The following PCDHGB5 variants were observed in gnomAD, a reference collection of about 807,000 sequenced individuals.
PCDHGB5 encodes the protein protocadherin gamma subfamily B, 5, also known as protocadherin gamma-B5.
A neutral mutation model predicts 62.9 loss-of-function variants in PCDHGB5; 48 were observed. The ratio of observed to expected loss-of-function variants is 0.76; its 90% confidence interval spans 0.61 to 0.97. The LOEUF is 0.97. Ranked by LOEUF, PCDHGB5 falls within the 50% of genes least tolerant of loss-of-function variation. The pLI is 0.00. For synonymous variants in PCDHGB5, 474 were observed against 511.2 expected (o/e 0.93, Z 0.98); for missense variants, 1,118 against 1,198.6 (o/e 0.93, Z 0.99).
Position 141,438,011 on chromosome 5 carries a change from G to T in PCDHGB5, c.2397+37487G>T, listed in dbSNP as rs189978786. On this transcript the variant is annotated intron_variant, in intron 1 of 3. Coordinates refer to ENST00000617380, the MANE Select transcript of PCDHGB5 (RefSeq NM_018925.3). ...CCACCTCAGCCTCCCAAATAGCTGAGATTACAGGTGTGAGCCACCATGCCC... is the reference window on the plus strand; with the variant it reads ...CCACCTCAGCCTCCCAAATAGCTGATATTACAGGTGTGAGCCACCATGCCC... 2.8e-3 allele frequency among the ~76,000 whole-genome samples: 432 copies of T among 152,220 alleles called. 1 individual carries two copies. The highest frequency in any genetic ancestry group is 0.021 in the Admixed American group (318 of 15,288).
chr5:141,500,901 G>T (rs984072329), intron 2 of PCDHGB5, among the ~76,000 whole-genome samples: 1 of 144,582 alleles, frequency 6.9e-6, no homozygotes, highest in Non-Finnish European at 1.5e-5. Context: ...AGACAGTCTC[G>T]CTCTGTCTCC....
In PCDHGB5 at chr5:141,477,813, A is replaced by T; in HGVS notation, c.2398-16994A>T. ...ACTGATCGCAATGACAATGCCCCCC[A>T]GGTCCTATATCCTCGGCCAGGTGGG... On this transcript the variant is annotated intron_variant, in intron 1 of 3. Coordinates refer to ENST00000617380, the MANE Select transcript of PCDHGB5 (RefSeq NM_018925.3). The surrounding 1 kb of genome is among the most constrained non-coding windows in gnomAD (Gnocchi z 4.9). The T allele has an allele frequency of 6.2e-7, 1 of 1,614,122 alleles. No homozygotes were observed. The highest frequency in any genetic ancestry group is 1.1e-5 in the South Asian group (1 of 91,084).
chr5:141,407,497 G>GTTTTTTTTTTTTTTTTT (rs1554102286), intron 1 of PCDHGB5, among the ~76,000 whole-genome samples: 2 of 151,970 alleles, frequency 1.3e-5, no homozygotes, highest in African/African-American at 4.8e-5. Context: ...CTTTATTTCT[G>GTTTTTTTTTTTTTTTTT]TTTTTCTTAG....
At chr5:141,508,961 A>C (rs991011427) in intron 3 of PCDHGB5, among the ~76,000 whole-genome samples, 2 of 151,978 alleles carry the variant, frequency 1.3e-5, no homozygotes, top group African/African-American at 4.8e-5. Context: ...TGTCAGCGGA[A>C]TGAAAGGGCT....
At chr5:141,421,618 G>T (rs748399893) in intron 1 of PCDHGB5, 1 of 1,613,766 alleles carries the variant, frequency 6.2e-7, no homozygotes, top group Non-Finnish European at 8.5e-7. Flanking sequence ...TAATGATAAC[G>T]CCCCCAGCTT....
rs1457765340 is a variant in PCDHGB5 at position 141,491,122 on chromosome 5, G to GT, written c.2398-3684dup. 1 of 1,614,058 alleles carries GT rather than the reference G, an allele frequency of 6.2e-7. No homozygotes were observed. Among genetic ancestry groups the GT allele is most frequent in the Non-Finnish European group, 8.5e-7 (1 of 1,180,036 alleles). Reference sequence around the variant, plus strand: ...CCTCGTGTCTACACACACTGGTGAGGTGCGCACAGCCCGGGCCTTACTGGA... The same window carrying GT: ...CCTCGTGTCTACACACACTGGTGAGGTTGCGCACAGCCCGGGCCTTACTGGA... On this transcript the variant is annotated intron_variant, in intron 1 of 3. Coordinates refer to ENST00000617380, the MANE Select transcript of PCDHGB5 (RefSeq NM_018925.3). The surrounding 1 kb of genome is among the most constrained non-coding windows in gnomAD (Gnocchi z 6.9).
At chr5:141,420,462 G>T in intron 1 of PCDHGB5, 2 of 892,618 alleles carry the variant, frequency 2.2e-6, no homozygotes. Context: ...ACTATTCAAA[G>T]ACATTTTAAA....
chr5:141,505,436 T>C lies in PCDHGB5; in HGVS notation c.2500T>C (p.Phe834Leu). 1.2e-6 allele frequency: 2 copies of C among 1,614,118 alleles called. No homozygotes were observed. The highest frequency in any genetic ancestry group is 1.7e-6 in the Non-Finnish European group (2 of 1,179,998). ...DDTGTWPNNQ[F>L]DTEMLQAMIL... is the part of the protein sequence containing the mutation. ...CACCGGCACCTGGCCCAACAACCAG[T>C]TTGACACAGAGATGCTGCAAGCCAT... Residue 834 changes from phenylalanine (F) to leucine (L), a missense_variant, in exon 3 of 4, where the codon TTT becomes CTT. Phe to Leu is a conservative substitution (Grantham distance 22). Around this residue, in one of 2 missense-constraint regions of PCDHGB5, gnomAD observed 1,034 missense variants for 1,029.1 expected, o/e 1.00. Coordinates refer to ENST00000617380, the MANE Select transcript of PCDHGB5 (RefSeq NM_018925.3).
intron 1 of PCDHGB5, chr5:141,415,740 G>GTTTTTTTTTTTTTTTTTTT (rs57426385): frequency 1.1e-5 from 7 of 625,046 alleles, no homozygotes; most frequent in Admixed American, 7.1e-5. Context: ...GTTTATTAAG[G>GTTTTTTTTTTTTTTTTTTT]TTTTTTTTTT....
chr5:141,415,959 C>T, intron 1 of PCDHGB5: 3 of 443,810 alleles, frequency 6.8e-6, no homozygotes, highest in Non-Finnish European at 1.1e-5. Context: ...CATATTGAAA[C>T]TCCAGCCCCT....
intron 1 of PCDHGB5, chr5:141,423,080 T>C: frequency 6.2e-7 from 1 of 1,614,050 alleles, no homozygotes; most frequent in East Asian, 2.2e-5. Flanking sequence ...CCGGGACTCT[T>C]CGCGGTGGGG....
intron 1 of PCDHGB5, among the ~76,000 whole-genome samples, chr5:141,447,162 G>A (rs1213550616): frequency 6.6e-6 from 1 of 151,700 alleles, no homozygotes; most frequent in African/African-American, 2.4e-5. Flanking sequence ...TTGTTTAAGC[G>A]GGGTCTTGCT....
At chr5:141,429,796 A>C (rs2097245618) in intron 1 of PCDHGB5, among the ~76,000 whole-genome samples, 1 of 152,216 alleles carries the variant, frequency 6.6e-6, no homozygotes, top group Non-Finnish European at 1.5e-5. Flanking sequence ...ATTACCAGTA[A>C]TTCTCAGTAA....
Position 141,491,916 on chromosome 5 carries a change from G to T in PCDHGB5, c.2398-2891G>T. ...GAGCACCGGGGGTGGTGGCGACTGT[G>T]GGCGAGGGGAGGTGGGACCGACCCC... On this transcript the variant is annotated intron_variant, in intron 1 of 3. Transcript: ENST00000617380. The surrounding 1 kb of genome is among the most constrained non-coding windows in gnomAD (Gnocchi z 6.9). 2 of 1,386,662 alleles carry T rather than the reference G, an allele frequency of 1.4e-6. No homozygotes were observed. Among genetic ancestry groups the T allele is most frequent in the African/African-American group, 1.5e-5 (1 of 68,510 alleles). The allele number at this position is 1,386,662 out of a possible 1,614,324, so 85.9% of individuals were successfully genotyped here.
Position 141,415,174 on chromosome 5 carries a change from G to C in PCDHGB5, c.2397+14650G>C, listed in dbSNP as rs1368688199. ...CTCCGCCACTGTCACGCTCACCGTG[G>C]CCGTGGCCGACAGCATCCCCCAAGT... On this transcript the variant is annotated intron_variant, in intron 1 of 3. Transcript: ENST00000617380. 4 of 1,613,784 alleles carry C rather than the reference G, an allele frequency of 2.5e-6. No homozygotes were observed. The African/African-American group carries it at 4.0e-5, about 16-fold the overall frequency.
At position 141,497,540 on chromosome 5, in the gene PCDHGB5, C is replaced by CT. The variant is rs754207034; in HGVS notation, c.2456+2693dup. On this transcript the variant is annotated intron_variant, in intron 2 of 3. Transcript: ENST00000617380. Reference sequence around the variant, plus strand: ...TTAACTTGTGGAGGATGCAACAAACCTTTTTTTTTTTTTTTTTTAGACAGA... The same window carrying CT: ...TTAACTTGTGGAGGATGCAACAAACCTTTTTTTTTTTTTTTTTTTAGACAGA... Among the ~76,000 whole-genome samples, 618 of 134,908 alleles carry CT rather than the reference C, an allele frequency of 4.6e-3. 3 individuals carry two copies. The highest frequency in any genetic ancestry group is 0.012 in the African/African-American group (419 of 35,974). 88.5% of individuals were successfully genotyped at this position (134,908 alleles called of 152,430 possible). A position where few individuals can be genotyped will look rare whatever the true frequency, so the allele number is the denominator to read the frequency against.
chr5:141,413,541 GATAGAA>G (rs2095653692), intron 1 of PCDHGB5: 1 of 1,613,904 alleles, frequency 6.2e-7, no homozygotes, highest in Non-Finnish European at 8.5e-7. Flanking sequence ...AACTTTTTGG[GATAGAA>G]ATAGAAGTAA....
intron 2 of PCDHGB5, 57 bp downstream of exon 2, chr5:141,494,922 C>G: frequency 6.2e-7 from 1 of 1,613,670 alleles, no homozygotes; most frequent in Admixed American, 1.7e-5. Context: ...TCAGGGATGA[C>G]GTGGGAGGAG....
chr5:141,431,440 C>T lies in PCDHGB5; in HGVS notation c.2397+30916C>T. ...ACCCGGTGCGCACAGGCACCGCGCG[C>T]ATCCGCGTGATGGTTCTGGATGCGA... is the stretch of plus-strand genomic sequence containing the variant. On this transcript the variant is annotated intron_variant, in intron 1 of 3. Transcript: ENST00000617380. The surrounding 1 kb of genome is among the most constrained non-coding windows in gnomAD (Gnocchi z 4.8). 6.2e-7 allele frequency: 1 copy of T among 1,613,754 alleles called. No homozygotes were observed.
Sources: gnomAD v4.1 joint callset for allele counts (sites outside exome capture counted in the v4.1 genomes callset) on GRCh38, gnomAD v4.1.1 for gene constraint, gnomAD v4.1.1 regional missense constraint, Gnocchi (gnomAD v3.1) non-coding constraint, MANE v1.5 for transcripts, NCBI Gene and HGNC (gene_info 2026-07-23, HGNC 2026-07-21) for gene names.